NRG1: variants seen among roughly 807,000 people sequenced by gnomAD.
The protein encoded by NRG1 is pro-neuregulin-1, membrane-bound isoform.
Under a neutral mutation model 63.8 loss-of-function variants are expected in NRG1, and 18 were observed. The ratio of observed to expected loss-of-function variants is 0.28; its 90% CI spans 0.19 to 0.42. The LOEUF is 0.42. Ranked by LOEUF, NRG1 falls within the 10% of genes least tolerant of loss-of-function variation. The probability of loss-of-function intolerance (pLI) is 1.00; values close to 1 mark genes in which losing one functional copy is unlikely to be tolerated. For missense variants in NRG1, 762 were observed against 814.7 expected, an observed-to-expected ratio of 0.94 and a Z score of 0.79; for synonymous variants, 302 against 301.3, an observed-to-expected ratio of 1.00 and a Z score of -0.02.
intron 1 of NRG1, among the ~76,000 whole-genome samples, chr8:32,324,679 A>T (rs763939006): frequency 2.6e-5 from 4 of 152,208 alleles, no homozygotes; most frequent in Non-Finnish European, 5.9e-5. Flanking sequence ...AATATGTCAG[A>T]AAAGGCAAAT....
intron 1 of NRG1, among the ~76,000 whole-genome samples, chr8:32,568,832 G>A (rs902087947): frequency 1.3e-5 from 2 of 152,038 alleles, no homozygotes; most frequent in African/African-American, 4.8e-5. Flanking sequence ...TAGCAAATGT[G>A]TCAAAACAAA....
At chr8:32,649,609 A>G (rs1854548683) in intron 5 of NRG1, among the ~76,000 whole-genome samples, 1 of 152,188 alleles carries the variant, frequency 6.6e-6, no homozygotes, top group Non-Finnish European at 1.5e-5. Context: ...CATCATGTTC[A>G]GTGTGAAGTA....
At chr8:32,103,991 C>T (rs774239126) in intron 1 of NRG1, among the ~76,000 whole-genome samples, 12 of 152,070 alleles carry the variant, frequency 7.9e-5, no homozygotes, top group Non-Finnish European at 1.8e-4. Context: ...TGTTGTAGTC[C>T]AAATAGTCTC....
chr8:32,083,769 T>C (rs1827839257), intron 1 of NRG1, among the ~76,000 whole-genome samples: 1 of 104,916 alleles, frequency 9.5e-6, no homozygotes, highest in South Asian at 4.2e-4. Flanking sequence ...TGTCATGTGA[T>C]ACAGTATATA....
intron 1 of NRG1, among the ~76,000 whole-genome samples, chr8:32,429,496 T>A (rs552915968): frequency 6.6e-6 from 1 of 152,324 alleles, no homozygotes; most frequent in African/African-American, 2.4e-5. Flanking sequence ...GGCAGTAACT[T>A]ACGCAAATAT....
intron 5 of NRG1, among the ~76,000 whole-genome samples, chr8:32,656,246 G>A (rs1033864059): frequency 5.3e-5 from 8 of 151,914 alleles, no homozygotes; most frequent in Non-Finnish European, 1.2e-4. Flanking sequence ...TGGACAAACA[G>A]GTTGTTTATT....
intron 6 of NRG1, among the ~76,000 whole-genome samples, chr8:32,728,931 G>A (rs113365404): frequency 0.036 from 5,474 of 152,180 alleles, 336 homozygotes; most frequent in African/African-American, 0.13. Flanking sequence ...AGCTGGGCGT[G>A]GTGGCACACG....
chr8:32,505,087 G>A (rs1477569162), intron 1 of NRG1, among the ~76,000 whole-genome samples: 1 of 152,116 alleles, frequency 6.6e-6, no homozygotes, highest in African/African-American at 2.4e-5. Flanking sequence ...GGGCATTTTT[G>A]TCTGTTACAG....
At chr8:31,928,916 T>C (rs1212805322) in intron 1 of NRG1, among the ~76,000 whole-genome samples, 1 of 152,106 alleles carries the variant, frequency 6.6e-6, no homozygotes, top group Non-Finnish European at 1.5e-5. Context: ...ATGCATTGGG[T>C]ACAATGTACA....
chr8:32,746,289 T>C (rs986848401), intron 7 of NRG1, among the ~76,000 whole-genome samples: 1 of 152,204 alleles, frequency 6.6e-6, no homozygotes, highest in African/African-American at 2.4e-5. Context: ...GACACTAAAT[T>C]GGTCCTGTTT....
At chr8:31,955,716 T>C (rs113838046) in intron 1 of NRG1, among the ~76,000 whole-genome samples, 8 of 152,162 alleles carry the variant, frequency 5.3e-5, no homozygotes, top group African/African-American at 1.9e-4. Context: ...AGACAGCTGC[T>C]TCTGAGGGTG....
chr8:32,047,769 G>A (rs1196423594), intron 1 of NRG1, among the ~76,000 whole-genome samples: 2 of 151,134 alleles, frequency 1.3e-5, no homozygotes, highest in South Asian at 2.1e-4. Flanking sequence ...TACCATTTTT[G>A]TGGTGAGAAC....
rs552583282 is a variant in NRG1 at position 31,783,301 on chromosome 8, A to C, written c.37+143870A>C. Among the ~76,000 whole-genome samples the C allele has an allele frequency of 2.1e-4, 32 of 152,324 alleles. 1 individual carries two copies. The South Asian group carries it at 6.6e-3, about 32-fold the overall frequency. On this transcript the variant is annotated intron_variant, in intron 1 of 10. Coordinates refer to the NRG1 transcript ENST00000519301. ...ACATATGTTTGCAAATACCTTGGGAAGATTGTGTTTTATAGCAATAGTTTT... is the reference window on the plus strand; with the variant it reads ...ACATATGTTTGCAAATACCTTGGGACGATTGTGTTTTATAGCAATAGTTTT...
intron 3 of NRG1, among the ~76,000 whole-genome samples, chr8:32,611,741 A>G (rs1272094107): frequency 6.6e-6 from 1 of 152,102 alleles, no homozygotes; most frequent in Non-Finnish European, 1.5e-5. Context: ...TTTTGTATGT[A>G]CAGCAGTGAC....
intron 1 of NRG1, among the ~76,000 whole-genome samples, chr8:32,033,332 G>A (rs1182465018): frequency 6.6e-6 from 1 of 152,136 alleles, no homozygotes; most frequent in Non-Finnish European, 1.5e-5. Context: ...CTAGTACCAT[G>A]CTGTTTTGGT....
chr8:31,904,581 G>A (rs1832366389), intron 1 of NRG1, among the ~76,000 whole-genome samples: 1 of 152,190 alleles, frequency 6.6e-6, no homozygotes, highest in African/African-American at 2.4e-5. Context: ...GCATGCATAT[G>A]TTCATCGCAG....
At chr8:31,783,832 A>G (rs1057422291) in intron 1 of NRG1, among the ~76,000 whole-genome samples, 2 of 152,176 alleles carry the variant, frequency 1.3e-5, no homozygotes, top group African/African-American at 4.8e-5. Flanking sequence ...TGGTATCACG[A>G]TCCTCATAAT....
At chr8:32,356,330 T>C (rs1806384477) in intron 1 of NRG1, among the ~76,000 whole-genome samples, 1 of 152,170 alleles carries the variant, frequency 6.6e-6, no homozygotes, top group Non-Finnish European at 1.5e-5. Context: ...ATGATCAGGC[T>C]ATATAAAATC....
intron 1 of NRG1, among the ~76,000 whole-genome samples, chr8:31,764,305 G>A (rs1353053533): frequency 6.6e-6 from 1 of 152,048 alleles, no homozygotes; most frequent in East Asian, 1.9e-4. Flanking sequence ...ATCACAATCA[G>A]AATATTGACA....
Sources: gnomAD v4.1 joint callset for allele counts (sites outside exome capture counted in the v4.1 genomes callset) on GRCh38, gnomAD v4.1.1 for gene constraint, MANE v1.5 for transcripts, NCBI Gene and HGNC (gene_info 2026-07-23, HGNC 2026-07-21) for gene names.